The following GRIA4 variants were observed in gnomAD, a reference collection of about 807,000 sequenced individuals.
GRIA4 encodes the protein glutamate receptor 4.
A neutral mutation model predicts 104.0 loss-of-function variants in GRIA4; 34 were observed. The ratio of observed to expected loss-of-function variants is 0.33; its 90% confidence interval spans 0.25 to 0.44. The LOEUF (loss-of-function observed/expected upper bound fraction) is 0.44, where lower values mean the gene tolerates loss of function less well. Ranked by LOEUF, GRIA4 falls within the 20% of genes least tolerant of loss-of-function variation. The probability of loss-of-function intolerance (pLI) is 1.00; values close to 1 mark genes in which losing one functional copy is unlikely to be tolerated. For missense variants in GRIA4, 750 were observed against 1,096.5 expected (o/e 0.68, Z 4.46); for synonymous variants, 386 against 381.9 (o/e 1.01, Z -0.13).
intron 4 of GRIA4, among the ~76,000 whole-genome samples, chr11:105,814,773 C>G (rs140000437): frequency 1.3e-5 from 2 of 152,286 alleles, no homozygotes; most frequent in African/African-American, 2.4e-5. Flanking sequence ...AGCATCTATT[C>G]TCTTACAATC....
chr11:105,923,503 TAGATCAGCATC>T (rs1947625065), intron 11 of GRIA4, among the ~76,000 whole-genome samples: 2 of 152,250 alleles, frequency 1.3e-5, no homozygotes, highest in Admixed American at 1.3e-4. Context: ...TCAAAATATT[TAGATCAGCATC>T]AGATCAGCAT....
At chr11:105,913,222 G>C (rs997228373) in intron 10 of GRIA4, 4 of 382,212 alleles carry the variant, frequency 1.0e-5, no homozygotes, top group African/African-American at 4.4e-5. Flanking sequence ...AGTATATTGA[G>C]AGAAAGCAGA....
At chr11:105,862,978 T>C (rs1287548966) in intron 5 of GRIA4, among the ~76,000 whole-genome samples, 1 of 152,168 alleles carries the variant, frequency 6.6e-6, no homozygotes, top group African/African-American at 2.4e-5. Context: ...TGCCATCTAG[T>C]GGTTTTAGAA....
intron 3 of GRIA4, among the ~76,000 whole-genome samples, chr11:105,648,368 T>G (rs1010963700): frequency 2.6e-5 from 4 of 151,368 alleles, no homozygotes; most frequent in African/African-American, 9.7e-5. Context: ...ATTATAGTAA[T>G]TGGATATTTA....
At chr11:105,897,158 A>ATGTG (rs926961984) in intron 6 of GRIA4, among the ~76,000 whole-genome samples, 6 of 151,660 alleles carry the variant, frequency 4.0e-5, no homozygotes, top group African/African-American at 1.4e-4. Context: ...GATATTTTGT[A>ATGTG]TGTGTGTGTG....
At chr11:105,894,577 C>T (rs996679404) in intron 6 of GRIA4, among the ~76,000 whole-genome samples, 1 of 151,864 alleles carries the variant, frequency 6.6e-6, no homozygotes, top group African/African-American at 2.4e-5. Context: ...TATATTTTTT[C>T]GTAGATAGCC....
chr11:105,975,773 A>T (rs1487126184), intron 16 of GRIA4, among the ~76,000 whole-genome samples: 1 of 152,026 alleles, frequency 6.6e-6, no homozygotes, highest in African/African-American at 2.4e-5. Context: ...TTTTATATTT[A>T]TTTATATGAA....
At chr11:105,831,315 A>G (rs1390200063) in intron 4 of GRIA4, among the ~76,000 whole-genome samples, 1 of 152,030 alleles carries the variant, frequency 6.6e-6, no homozygotes, top group East Asian at 1.9e-4. Context: ...TCCAGTGTGC[A>G]AGCACTTAGC....
At chr11:105,848,051 G>A (rs1944660404) in intron 4 of GRIA4, among the ~76,000 whole-genome samples, 1 of 152,170 alleles carries the variant, frequency 6.6e-6, no homozygotes, top group African/African-American at 2.4e-5. Flanking sequence ...TTCATGTCAA[G>A]TAAGCCATTA....
Position 105,979,812 on chromosome 11 carries a change from C to A in GRIA4, c.*73C>A. ...TGGAAACGCAGCCCTGAGGGACACG[C>A]CACGCGCGGGTCTTTGCTAAACCAA... On this transcript the variant is annotated 3_prime_UTR_variant, in exon 17 of 17. Coordinates refer to ENST00000282499, the MANE Select transcript of GRIA4 (RefSeq NM_000829.4). 1 of 1,149,204 alleles carries A rather than the reference C, an allele frequency of 8.7e-7. No homozygotes were observed. The highest frequency in any genetic ancestry group is 1.3e-6 in the Non-Finnish European group (1 of 788,438). 71.2% of individuals were successfully genotyped at this position (1,149,204 alleles called of 1,614,324 possible). A position where few individuals can be genotyped will look rare whatever the true frequency, so the allele number is the denominator to read the frequency against.
chr11:105,731,857 T>C (rs1387320707), intron 3 of GRIA4, among the ~76,000 whole-genome samples: 1 of 150,806 alleles, frequency 6.6e-6, no homozygotes, highest in Admixed American at 6.6e-5. Context: ...GAGGGGAATA[T>C]CACAAACCAG....
intron 4 of GRIA4, among the ~76,000 whole-genome samples, chr11:105,774,214 A>G (rs1484465900): frequency 6.6e-6 from 1 of 151,500 alleles, no homozygotes; most frequent in Non-Finnish European, 1.5e-5. Context: ...ATATAAAAAA[A>G]GAGCTTGAGG....
intron 3 of GRIA4, among the ~76,000 whole-genome samples, chr11:105,730,229 C>T (rs1938501122): frequency 6.6e-6 from 1 of 152,100 alleles, no homozygotes; most frequent in African/African-American, 2.4e-5. Context: ...TTCATATACA[C>T]CAATAATAGA....
At chr11:105,875,879 AT>A (rs139984025) in intron 5 of GRIA4, among the ~76,000 whole-genome samples, 41,958 of 151,698 alleles carry the variant, frequency 0.28, 5,808 homozygotes, top group Non-Finnish European at 0.29. Flanking sequence ...GGATTCATTA[AT>A]TTTTTTAATG....
chr11:105,675,698 G>A (rs2135450788), intron 3 of GRIA4, among the ~76,000 whole-genome samples: 1 of 151,826 alleles, frequency 6.6e-6, no homozygotes, highest in African/African-American at 2.4e-5. Flanking sequence ...TCTCTGTAAT[G>A]GTTGATTGCC....
intron 14 of GRIA4, 59 bp downstream of exon 14, chr11:105,934,028 T>A: frequency 7.4e-7 from 1 of 1,354,002 alleles, no homozygotes; most frequent in Non-Finnish European, 1.0e-6. Context: ...CCTTCCCTGA[T>A]GTGCCTGAGA....
rs1555012449 is a variant in GRIA4, at chr11:105,802,781, AAC to A, written c.487+49563_487+49564del. On this transcript the variant is annotated intron_variant, in intron 4 of 16. Coordinates refer to ENST00000282499, the MANE Select transcript of GRIA4 (RefSeq NM_000829.4). The stretch of plus-strand genomic sequence containing the variant: ...TTACAAAGATTATGTCATTGAAAAA[AAC>A]AACATTTATTTTTTATTTGTTTATT... 9.2e-5 allele frequency among the ~76,000 whole-genome samples: 14 copies of A among 151,638 alleles called. No homozygotes were observed. The East Asian group carries it at 2.1e-3, about 23-fold the overall frequency.
chr11:105,925,360 C>A (rs1947676511), intron 12 of GRIA4, among the ~76,000 whole-genome samples: 1 of 152,124 alleles, frequency 6.6e-6, no homozygotes, highest in Non-Finnish European at 1.5e-5. Flanking sequence ...GGAGTCATGG[C>A]TCCCTTCCTT....
intron 4 of GRIA4, among the ~76,000 whole-genome samples, chr11:105,795,113 T>C (rs1022768403): frequency 1.3e-5 from 2 of 152,180 alleles, no homozygotes; most frequent in Admixed American, 6.6e-5. Flanking sequence ...TGTGCCATGC[T>C]GGTGCGCTGC....
Sources: gnomAD v4.1 joint callset for allele counts (sites outside exome capture counted in the v4.1 genomes callset) on GRCh38, gnomAD v4.1.1 for gene constraint, MANE v1.5 for transcripts, NCBI Gene and HGNC (gene_info 2026-07-23, HGNC 2026-07-21) for gene names.